Variants in ENTREP2 observed in about 807,000 individuals in gnomAD.
ENTREP2 encodes endosomal transmembrane epsin interactor 2.
the ENTREP2 span, among the ~76,000 whole-genome samples, chr15:29,636,925 A>G: frequency 6.6e-6 from 1 of 152,212 alleles, no homozygotes; most frequent in South Asian, 2.1e-4. Flanking sequence ...CACATTTTCT[A>G]TAATGTCATT....
At chr15:29,402,455 ACAGG>A in the ENTREP2 span, among the ~76,000 whole-genome samples, 1 of 152,082 alleles carries the variant, frequency 6.6e-6, no homozygotes, top group Admixed American at 6.5e-5. Context: ...AGCAGGGAAT[ACAGG>A]CATGCATCAC....
chr15:29,407,364 G>T, the ENTREP2 span, among the ~76,000 whole-genome samples: 2,919 of 152,308 alleles, frequency 0.019, 32 homozygotes, highest in Non-Finnish European at 0.027. Context: ...AAGCGTTGGT[G>T]TGTGGTGTAC....
At chr15:29,353,939 T>C in the ENTREP2 span, among the ~76,000 whole-genome samples, 2 of 152,158 alleles carry the variant, frequency 1.3e-5, no homozygotes, top group East Asian at 1.9e-4. Context: ...CCTTCTGTGA[T>C]GCTTAATTTT....
the ENTREP2 span, among the ~76,000 whole-genome samples, chr15:29,140,748 C>A: frequency 6.6e-6 from 1 of 152,232 alleles, no homozygotes; most frequent in Non-Finnish European, 1.5e-5. Context: ...GCAGCCTCAC[C>A]TGCATGTTGA....
chr15:29,599,367 C>T, the ENTREP2 span, among the ~76,000 whole-genome samples: 1 of 152,192 alleles, frequency 6.6e-6, no homozygotes, highest in African/African-American at 2.4e-5. Flanking sequence ...AAGAGACAGA[C>T]CATGAGGTTC....
chr15:29,669,192 A>C, the ENTREP2 span, among the ~76,000 whole-genome samples: 21 of 152,346 alleles, frequency 1.4e-4, no homozygotes, highest in African/African-American at 4.8e-4. Context: ...TGGGCAACAG[A>C]GCGAGACTCC....
chr15:29,190,891 A>G, the ENTREP2 span, among the ~76,000 whole-genome samples: 1 of 152,202 alleles, frequency 6.6e-6, no homozygotes, highest in Non-Finnish European at 1.5e-5. Context: ...AGCAAAAGGG[A>G]AATTAATCAA....
chr15:29,588,585 G>A, the ENTREP2 span, among the ~76,000 whole-genome samples: 9 of 111,228 alleles, frequency 8.1e-5, no homozygotes, highest in East Asian at 4.9e-3. Context: ...GGGAGGGAGG[G>A]AGGGAGGAAG....
the ENTREP2 span, among the ~76,000 whole-genome samples, chr15:29,119,296 G>T: frequency 4.8e-4 from 5 of 10,470 alleles, 2 homozygotes; most frequent in African/African-American, 6.0e-4. Context: ...CATGTCCTTT[G>T]TAGGGACATG....
the ENTREP2 span, among the ~76,000 whole-genome samples, chr15:29,503,159 C>T: frequency 1.4e-3 from 214 of 152,104 alleles, 2 homozygotes; most frequent in East Asian, 0.028. Context: ...ATGTTCACAG[C>T]GGCAATCATA....
chr15:29,615,189 T>A, the ENTREP2 span, among the ~76,000 whole-genome samples: 1 of 150,668 alleles, frequency 6.6e-6, no homozygotes, highest in Non-Finnish European at 1.5e-5. Flanking sequence ...GGAGTCTCCC[T>A]CCATTGCCCA....
chr15:29,451,721 C>T, the ENTREP2 span, among the ~76,000 whole-genome samples: 6 of 152,154 alleles, frequency 3.9e-5, no homozygotes, highest in Non-Finnish European at 8.8e-5. Flanking sequence ...AGGGCTCCCT[C>T]GAGGGGCCAC....
chr15:29,487,252 T>C, the ENTREP2 span, among the ~76,000 whole-genome samples: 3 of 152,304 alleles, frequency 2.0e-5, no homozygotes, highest in Admixed American at 2.0e-4. Flanking sequence ...GCCATGTGAA[T>C]GCCCAGAGCA....
the ENTREP2 span, among the ~76,000 whole-genome samples, chr15:29,397,896 G>T: frequency 6.6e-6 from 1 of 152,226 alleles, no homozygotes; most frequent in Non-Finnish European, 1.5e-5. Context: ...GAACAGACCA[G>T]TGGCTTTTAA....
At chr15:29,498,088 T>A in the ENTREP2 span, among the ~76,000 whole-genome samples, 1 of 152,188 alleles carries the variant, frequency 6.6e-6, no homozygotes. Context: ...TGTTAGTGAC[T>A]GAGTTCTCAT....
chr15:29,513,678 C>T, the ENTREP2 span, among the ~76,000 whole-genome samples: 1 of 152,192 alleles, frequency 6.6e-6, no homozygotes, highest in African/African-American at 2.4e-5. Flanking sequence ...AAAAGGCAGC[C>T]TTGTCTCACC....
At chr15:29,453,062 G>C in the ENTREP2 span, among the ~76,000 whole-genome samples, 1 of 152,258 alleles carries the variant, frequency 6.6e-6, no homozygotes, top group East Asian at 1.9e-4. Context: ...AAATCACCTC[G>C]AGGCAACTGA....
chr15:29,510,109 A>C, the ENTREP2 span, among the ~76,000 whole-genome samples: 1 of 152,248 alleles, frequency 6.6e-6, no homozygotes, highest in Non-Finnish European at 1.5e-5. Context: ...GATACTTTTC[A>C]AAAGAAGACA....
the ENTREP2 span, among the ~76,000 whole-genome samples, chr15:29,221,355 C>T: frequency 6.6e-6 from 1 of 151,628 alleles, no homozygotes; most frequent in Non-Finnish European, 1.5e-5. Context: ...GTGCCCACCA[C>T]CACGCCCAGC....
Sources: gnomAD v4.1 joint callset for allele counts (sites outside exome capture counted in the v4.1 genomes callset) on GRCh38, gnomAD v4.1.1 for gene constraint, MANE v1.5 for transcripts, NCBI Gene and HGNC (gene_info 2026-07-23, HGNC 2026-07-21) for gene names.